The following MACROD2 variants were observed in gnomAD, a reference collection of about 807,000 sequenced individuals.
MACROD2 encodes mono-ADP ribosylhydrolase 2.
Under a neutral mutation model 70.4 loss-of-function variants are expected in MACROD2, and 36 were observed. The observed-to-expected ratio is 0.51, with a 90% CI of 0.39 to 0.68. The LOEUF (loss-of-function observed/expected upper bound fraction) is 0.68. Among genes scored for constraint, MACROD2 ranks in the 30% least tolerant of loss-of-function variants. MACROD2 has a pLI of 0.00. For missense variants in MACROD2, 496 were observed against 538.4 expected (o/e 0.92, Z 0.78); for synonymous variants, 172 against 178.8 (o/e 0.96, Z 0.30).
At chr20:14,423,324 C>G (rs1344597322) in intron 3 of MACROD2, among the ~76,000 whole-genome samples, 1 of 151,362 alleles carries the variant, frequency 6.6e-6, no homozygotes, top group Non-Finnish European at 1.5e-5. Context: ...TTTTTCACAG[C>G]TCCATAAAAG....
At chr20:15,909,482 C>T (rs2065200118) in intron 10 of MACROD2, among the ~76,000 whole-genome samples, 1 of 147,370 alleles carries the variant, frequency 6.8e-6, no homozygotes. Flanking sequence ...ATCTGATCTG[C>T]TTCAGTATCA....
At chr20:14,397,178 A>G (rs1434483818) in intron 3 of MACROD2, among the ~76,000 whole-genome samples, 1 of 151,726 alleles carries the variant, frequency 6.6e-6, no homozygotes, top group Admixed American at 6.6e-5. Flanking sequence ...TATTTTTACT[A>G]GAGATGGAGT....
chr20:14,432,609 A>G (rs950897571), intron 3 of MACROD2, among the ~76,000 whole-genome samples: 2 of 152,172 alleles, frequency 1.3e-5, no homozygotes, highest in African/African-American at 4.8e-5. Flanking sequence ...CTTAAAAACC[A>G]TTATGGAAGT....
intron 3 of MACROD2, among the ~76,000 whole-genome samples, chr20:14,155,168 AAC>A (rs1569182631): frequency 3.3e-5 from 5 of 152,332 alleles, no homozygotes; most frequent in Non-Finnish European, 5.9e-5. Context: ...ACATATATAT[AAC>A]TCATATATAC....
chr20:14,050,066 A>G (rs1420799605), intron 2 of MACROD2, among the ~76,000 whole-genome samples: 1 of 151,420 alleles, frequency 6.6e-6, no homozygotes, highest in African/African-American at 2.4e-5. Context: ...AGCCTGGGCA[A>G]CAAGAGTGAA....
intron 5 of MACROD2, among the ~76,000 whole-genome samples, chr20:14,867,261 A>C (rs6079587): frequency 0.26 from 39,799 of 152,014 alleles, 5,545 homozygotes; most frequent in African/African-American, 0.33. Context: ...GAAACTTTTT[A>C]TTTGGGTGCG....
At position 15,963,042 on chromosome 20, in the gene MACROD2, G is replaced by A. The variant is rs180695081; in HGVS notation, c.908-4511G>A. Among the ~76,000 whole-genome samples, 34 of 152,336 alleles carry A rather than the reference G, an allele frequency of 2.2e-4. No individual in the cohort carries two copies. In the East Asian group the frequency reaches 4.8e-3, roughly 22 times the overall value. On this transcript the variant is annotated intron_variant, in intron 12 of 17. Transcript: ENST00000684519. The stretch of plus-strand genomic sequence containing the variant: ...TTTATTTAGATAAGCACCTGGTTCA[G>A]ATGGAGGAAAAATTACTTTGTCCTA...
chr20:14,162,704 G>A (rs150870210), intron 3 of MACROD2, among the ~76,000 whole-genome samples: 2 of 151,808 alleles, frequency 1.3e-5, no homozygotes, highest in East Asian at 3.9e-4. Context: ...TTATTGGCAT[G>A]GAATATATTT....
chr20:15,932,107 G>A (rs2065588597), intron 10 of MACROD2, among the ~76,000 whole-genome samples: 1 of 152,172 alleles, frequency 6.6e-6, no homozygotes, highest in Non-Finnish European at 1.5e-5. Flanking sequence ...ACTGGCTGAG[G>A]TCACCGCTCA....
intron 7 of MACROD2, among the ~76,000 whole-genome samples, chr20:15,466,706 T>G (rs1442604224): frequency 1.3e-5 from 2 of 152,250 alleles, no homozygotes; most frequent in African/African-American, 4.8e-5. Flanking sequence ...GAAAAGAGAC[T>G]GTATTATAAT....
intron 3 of MACROD2, among the ~76,000 whole-genome samples, chr20:14,450,059 A>G (rs1284798447): frequency 1.3e-5 from 2 of 152,114 alleles, no homozygotes; most frequent in African/African-American, 2.4e-5. Flanking sequence ...TTCTAGGTAT[A>G]GTCACTAAAA....
rs140427907 is a variant in MACROD2 at position 14,041,675 on chromosome 20, C to G, written c.163+39271C>G. On this transcript the variant is annotated intron_variant, in intron 2 of 17. Coordinates refer to ENST00000684519, the MANE Select transcript of MACROD2 (RefSeq NM_001351661.2). ...TTGTACTACACATAGGGGAAAGTAT[C>G]TGGTTTCTGAGTAGAAAAGTAGACT... is the stretch of plus-strand genomic sequence containing the variant. Among the ~76,000 whole-genome samples, 669 of 152,268 alleles carry G rather than the reference C, an allele frequency of 4.4e-3. 4 individuals carry two copies. Among genetic ancestry groups the G allele is most frequent in the African/African-American group, 0.015 (637 of 41,562 alleles).
intron 3 of MACROD2, among the ~76,000 whole-genome samples, chr20:14,409,372 C>T (rs995803968): frequency 1.3e-5 from 2 of 151,908 alleles, no homozygotes; most frequent in Admixed American, 1.3e-4. Flanking sequence ...CTGTGTATAT[C>T]ACTTTGTATT....
chr20:15,623,227 A>G (rs6110695), intron 8 of MACROD2, among the ~76,000 whole-genome samples: 15,279 of 152,240 alleles, frequency 0.1, 900 homozygotes, highest in Middle Eastern at 0.16. Context: ...CTAGAGTTCA[A>G]TCTAATGTAA....
At chr20:14,507,130 G>T (rs1428746023) in intron 4 of MACROD2, among the ~76,000 whole-genome samples, 1 of 152,050 alleles carries the variant, frequency 6.6e-6, no homozygotes, top group East Asian at 1.9e-4. Flanking sequence ...AGAAGGAATA[G>T]GGAGTTATTA....
At chr20:15,539,751 G>A (rs2047929246) in intron 8 of MACROD2, among the ~76,000 whole-genome samples, 1 of 152,206 alleles carries the variant, frequency 6.6e-6, no homozygotes, top group South Asian at 2.1e-4. Context: ...ACTTTGGGAG[G>A]CCAAGGCAGG....
intron 12 of MACROD2, among the ~76,000 whole-genome samples, chr20:15,945,713 GTTA>G (rs1194469782): frequency 1.3e-5 from 2 of 152,228 alleles, no homozygotes; most frequent in East Asian, 1.9e-4. Flanking sequence ...AGTCATCAGT[GTTA>G]TTATCCCAAT....
intron 8 of MACROD2, among the ~76,000 whole-genome samples, chr20:15,839,216 T>C (rs1568590052): frequency 6.6e-6 from 1 of 152,096 alleles, no homozygotes; most frequent in East Asian, 1.9e-4. Context: ...TGAGAGGAAA[T>C]ATAGCATTAC....
chr20:14,969,387 CACACACACACACACAT>C (rs879403907), intron 5 of MACROD2, among the ~76,000 whole-genome samples: 1,995 of 150,876 alleles, frequency 0.013, 42 homozygotes, highest in East Asian at 0.049. Context: ...CACACACACA[CACACACACACACACAT>C]ATATAAGCAT....
Sources: gnomAD v4.1 joint callset for allele counts (sites outside exome capture counted in the v4.1 genomes callset) on GRCh38, gnomAD v4.1.1 for gene constraint, MANE v1.5 for transcripts, NCBI Gene and HGNC (gene_info 2026-07-23, HGNC 2026-07-21) for gene names.